PAX3: variants seen among roughly 807,000 people sequenced by gnomAD.
PAX3 encodes the protein paired box 3, also known as paired box protein Pax-3.
In PAX3, 14 loss-of-function variants were observed where a neutral mutation model predicts 51.6. That is an observed-to-expected ratio of 0.27 (90% confidence interval 0.18 to 0.42). The LOEUF is 0.42. Among genes scored for constraint, PAX3 ranks in the 10% least tolerant of loss-of-function variants. PAX3 has a pLI of 1.00. For missense variants in PAX3, 540 were observed against 642.8 expected, an observed-to-expected ratio of 0.84 and a Z score of 1.73; for synonymous variants, 280 against 253.4, an observed-to-expected ratio of 1.11 and a Z score of -1.00.
At chr2:222,223,955 T>G (rs1213633010) in intron 5 of PAX3, among the ~76,000 whole-genome samples, 2 of 152,162 alleles carry the variant, frequency 1.3e-5, no homozygotes, top group Non-Finnish European at 2.9e-5. Context: ...TACTATTGAC[T>G]CAAGGTTCAT....
intron 7 of PAX3, among the ~76,000 whole-genome samples, chr2:222,211,056 G>A (rs781283306): frequency 3.3e-5 from 5 of 151,852 alleles, no homozygotes; most frequent in African/African-American, 9.7e-5. Context: ...TTGTAGAGAC[G>A]AGGTCTCACT....
Position 222,297,149 on chromosome 2 carries a change from C to A in PAX3, c.150G>T (p.Pro50=), listed in dbSNP as rs778990733. The A allele has an allele frequency of 1.2e-6, 2 of 1,604,994 alleles. No individual in the cohort carries two copies. The highest frequency in any genetic ancestry group is 2.2e-5 in the South Asian group (2 of 89,976). ...TCTTGTGGCGGATGTGGTTGGGCAG[C>A]GGCCTGCCGTTGATAAAAACACCGC... ...QLGGVFINGR[P]LPNHIRHKIV... The change falls in exon 2 of 9, where the codon CCG becomes CCT. Residue 50 remains proline, a synonymous_variant. Transcript: ENST00000392070.
chr2:222,288,414 G>A (rs1326259742), intron 4 of PAX3, among the ~76,000 whole-genome samples: 1 of 152,162 alleles, frequency 6.6e-6, no homozygotes, highest in African/African-American at 2.4e-5. Flanking sequence ...TAGAGGATTG[G>A]AAATATACAT....
At chr2:222,283,056 A>T (rs2106178215) in intron 4 of PAX3, among the ~76,000 whole-genome samples, 1 of 152,350 alleles carries the variant, frequency 6.6e-6, no homozygotes, top group Non-Finnish European at 1.5e-5. Flanking sequence ...AGCTACCAGA[A>T]TTACAAATGT....
At chr2:222,241,058 A>G (rs1482547948) in intron 4 of PAX3, among the ~76,000 whole-genome samples, 4 of 152,226 alleles carry the variant, frequency 2.6e-5, no homozygotes, top group African/African-American at 9.6e-5. Context: ...AAAATCAGTC[A>G]TAATTAAAAT....
intron 4 of PAX3, among the ~76,000 whole-genome samples, chr2:222,262,098 G>A (rs1050188486): frequency 1.3e-5 from 2 of 152,188 alleles, no homozygotes; most frequent in African/African-American, 2.4e-5. Flanking sequence ...GACAGTATAC[G>A]TAGACTCATA....
At chr2:222,281,050 T>G (rs1300747317) in intron 4 of PAX3, among the ~76,000 whole-genome samples, 1 of 152,218 alleles carries the variant, frequency 6.6e-6, no homozygotes, top group Non-Finnish European at 1.5e-5. Context: ...ATGTGTGTCA[T>G]GTACACACGT....
At chr2:222,263,969 AG>A (rs1693954053) in intron 4 of PAX3, 1 of 152,258 alleles carries the variant, frequency 6.6e-6, no homozygotes, top group Non-Finnish European at 1.5e-5. Context: ...AGCAGCTTCC[AG>A]GGACTAAGAG....
chr2:222,278,624 C>G (rs768753944), intron 4 of PAX3, among the ~76,000 whole-genome samples: 30 of 152,190 alleles, frequency 2.0e-4, no homozygotes, highest in Non-Finnish European at 4.1e-4. Flanking sequence ...TGCTCTTGGT[C>G]CAACCTGGCT....
intron 4 of PAX3, among the ~76,000 whole-genome samples, chr2:222,274,433 A>T (rs1389884583): frequency 6.6e-6 from 1 of 151,890 alleles, no homozygotes; most frequent in Non-Finnish European, 1.5e-5. Flanking sequence ...GAGAATGGAA[A>T]ATAGTAAATG....
chr2:222,220,924 A>G (rs1692168518), intron 6 of PAX3, among the ~76,000 whole-genome samples: 1 of 152,232 alleles, frequency 6.6e-6, no homozygotes, highest in South Asian at 2.1e-4. Flanking sequence ...AAACTGGAGT[A>G]AAACGTAGAG....
intron 7 of PAX3, among the ~76,000 whole-genome samples, chr2:222,206,225 C>G (rs951830931): frequency 1.3e-4 from 19 of 151,884 alleles, no homozygotes; most frequent in African/African-American, 4.4e-4. Context: ...AAATTCAAGG[C>G]TACCCAGTTC....
intron 4 of PAX3, among the ~76,000 whole-genome samples, chr2:222,236,717 T>C (rs1255730629): frequency 6.6e-6 from 1 of 152,186 alleles, no homozygotes; most frequent in East Asian, 1.9e-4. Flanking sequence ...ACAATTAGAT[T>C]AAATATAAAC....
At chr2:222,290,555 T>A (rs1367993588) in intron 4 of PAX3, among the ~76,000 whole-genome samples, 1 of 152,138 alleles carries the variant, frequency 6.6e-6, no homozygotes, top group Non-Finnish European at 1.5e-5. Context: ...AAAACATCAA[T>A]TTGGCAATCT....
chr2:222,208,700 G>A (rs944725948), intron 7 of PAX3, among the ~76,000 whole-genome samples: 1 of 152,104 alleles, frequency 6.6e-6, no homozygotes, highest in African/African-American at 2.4e-5. Flanking sequence ...TCAAAATCCA[G>A]TCTGAGAACA....
At chr2:222,268,861 C>T (rs1340048281) in intron 4 of PAX3, among the ~76,000 whole-genome samples, 1 of 152,134 alleles carries the variant, frequency 6.6e-6, no homozygotes, top group Non-Finnish European at 1.5e-5. Context: ...CATATTCAGA[C>T]GTTTTACTAG....
intron 7 of PAX3, among the ~76,000 whole-genome samples, chr2:222,203,673 A>C (rs1204193208): frequency 6.6e-6 from 1 of 152,174 alleles, no homozygotes; most frequent in Non-Finnish European, 1.5e-5. Context: ...TTTGCTTCCC[A>C]GAAAGCATCT....
At chr2:222,214,046 A>G (rs1691855834) in intron 7 of PAX3, among the ~76,000 whole-genome samples, 1 of 152,186 alleles carries the variant, frequency 6.6e-6, no homozygotes, top group African/African-American at 2.4e-5. Flanking sequence ...AACAATTTTT[A>G]ATGACTATAT....
intron 4 of PAX3, chr2:222,293,878 T>C: frequency 1.2e-6 from 2 of 1,607,246 alleles, no homozygotes; most frequent in Non-Finnish European, 1.7e-6. Context: ...GAGCTTCCCC[T>C]GCCCCCTACA....
Sources: gnomAD v4.1 joint callset for allele counts (sites outside exome capture counted in the v4.1 genomes callset) on GRCh38, gnomAD v4.1.1 for gene constraint, MANE v1.5 for transcripts, NCBI Gene and HGNC (gene_info 2026-07-23, HGNC 2026-07-21) for gene names.